Variants in MYMX observed in about 807,000 individuals in gnomAD.
MYMX encodes protein myomixer.
At chr6:44,197,519 T>A in the MYMX span, among the ~76,000 whole-genome samples, 1 of 152,082 alleles carries the variant, frequency 6.6e-6, no homozygotes, top group African/African-American at 2.4e-5. Context: ...GGTGACAGAG[T>A]GAGACTCCGT....
chr6:44,212,648 T>C (rs1322553426), upstream of MYMX, among the ~76,000 whole-genome samples: 1 of 151,756 alleles, frequency 6.6e-6, no homozygotes, highest in African/African-American at 2.4e-5. Flanking sequence ...AGAAAGAATT[T>C]TGTATAGTCA....
the MYMX span, among the ~76,000 whole-genome samples, chr6:44,200,220 A>G: frequency 6.6e-6 from 1 of 151,886 alleles, no homozygotes; most frequent in Non-Finnish European, 1.5e-5. Flanking sequence ...ACCTTGCCTC[A>G]TTCACTCAAA....
chr6:44,205,993 C>A, the MYMX span, among the ~76,000 whole-genome samples: 49,802 of 73,280 alleles, frequency 0.68, 15,902 homozygotes, highest in African/African-American at 0.79. Flanking sequence ...AAAAAAAAAA[C>A]AAAACAAAAA....
the MYMX span, among the ~76,000 whole-genome samples, chr6:44,194,584 C>G: frequency 1.3e-5 from 2 of 152,178 alleles, no homozygotes; most frequent in African/African-American, 4.8e-5. Flanking sequence ...CACAAAGAGC[C>G]AACTCCTGCC....
the MYMX span, among the ~76,000 whole-genome samples, chr6:44,195,462 A>AT: frequency 7.4e-5 from 11 of 148,344 alleles, no homozygotes; most frequent in South Asian, 6.4e-4. Flanking sequence ...CTATGCTGTA[A>AT]TTTTTTTTTT....
upstream of MYMX, among the ~76,000 whole-genome samples, chr6:44,213,352 C>T (rs1186902977): frequency 6.6e-6 from 1 of 150,694 alleles, no homozygotes; most frequent in Non-Finnish European, 1.5e-5. Flanking sequence ...CGCCATTGCA[C>T]TCCAGCGTGG....
upstream of MYMX, among the ~76,000 whole-genome samples, chr6:44,215,697 C>T (rs1417083858): frequency 6.6e-6 from 1 of 152,172 alleles, no homozygotes; most frequent in Non-Finnish European, 1.5e-5. Flanking sequence ...GAGTTCGAGA[C>T]CAGCCTGGCC....
At chr6:44,216,303 C>T (rs1360046847), upstream of MYMX, among the ~76,000 whole-genome samples, 4 of 152,212 alleles carry the variant, frequency 2.6e-5, no homozygotes, top group South Asian at 2.1e-4. Context: ...GAGGCTACAG[C>T]GGAGAGGACT....
At chr6:44,197,887 C>T in the MYMX span, among the ~76,000 whole-genome samples, 1 of 151,914 alleles carries the variant, frequency 6.6e-6, no homozygotes, top group African/African-American at 2.4e-5. Flanking sequence ...ACTCCTGGCC[C>T]TATTGATTAT....
the MYMX span, among the ~76,000 whole-genome samples, chr6:44,202,971 G>A: frequency 2.0e-5 from 3 of 152,336 alleles, no homozygotes; most frequent in South Asian, 6.2e-4. Flanking sequence ...TTACCCCAGG[G>A]TCCAAGGATC....
At chr6:44,197,652 G>A in the MYMX span, among the ~76,000 whole-genome samples, 1 of 152,212 alleles carries the variant, frequency 6.6e-6, no homozygotes, top group African/African-American at 2.4e-5. Context: ...CATTGTCAGG[G>A]ATAACTAGCT....
At chr6:44,196,565 G>T in the MYMX span, among the ~76,000 whole-genome samples, 1 of 152,110 alleles carries the variant, frequency 6.6e-6, no homozygotes, top group South Asian at 2.1e-4. Flanking sequence ...TGTAATCCCT[G>T]CTACTCAGAA....
upstream of MYMX, among the ~76,000 whole-genome samples, chr6:44,215,336 G>A (rs1286497058): frequency 1.3e-5 from 2 of 152,156 alleles, no homozygotes; most frequent in East Asian, 3.8e-4. Context: ...ACTTTGGGAG[G>A]CAAAGGTGGG....
the MYMX span, among the ~76,000 whole-genome samples, chr6:44,206,000 A>AAAC: frequency 1.3e-5 from 2 of 148,938 alleles, no homozygotes; most frequent in Non-Finnish European, 3.0e-5. Flanking sequence ...AAACAAAACA[A>AAAC]AAAAAAACCT....
upstream of MYMX, among the ~76,000 whole-genome samples, chr6:44,213,507 C>T (rs996702207): frequency 8.6e-5 from 13 of 151,154 alleles, no homozygotes; most frequent in African/African-American, 2.7e-4. Flanking sequence ...CTGCAACCTC[C>T]GCCTCCCGGG....
At chr6:44,199,024 A>G in the MYMX span, among the ~76,000 whole-genome samples, 1 of 152,134 alleles carries the variant, frequency 6.6e-6, no homozygotes, top group South Asian at 2.1e-4. Flanking sequence ...TTCACTGACC[A>G]GCAATTCCCC....
upstream of MYMX, among the ~76,000 whole-genome samples, chr6:44,212,136 A>T (rs954972243): frequency 2.0e-5 from 3 of 152,074 alleles, no homozygotes; most frequent in Non-Finnish European, 4.4e-5. Flanking sequence ...TAATTCCAGC[A>T]CTTTGAGAGG....
At chr6:44,211,720 C>T in the MYMX span, among the ~76,000 whole-genome samples, 1 of 148,988 alleles carries the variant, frequency 6.7e-6, no homozygotes, top group Non-Finnish European at 1.5e-5. Flanking sequence ...CAGGTTCAAG[C>T]GATTTTTGTG....
At chr6:44,198,771 A>G in the MYMX span, among the ~76,000 whole-genome samples, 3 of 151,594 alleles carry the variant, frequency 2.0e-5, no homozygotes, top group Admixed American at 2.0e-4. Context: ...GTGCACCACC[A>G]TGCTCAGCTA....
Sources: allele counts gnomAD v4.1 joint callset (sites outside exome capture counted in the v4.1 genomes callset), GRCh38; gene constraint gnomAD v4.1.1; transcripts MANE v1.5; gene names NCBI Gene and HGNC (gene_info 2026-07-23, HGNC 2026-07-21).